Variants in NCK2 observed in about 807,000 individuals in gnomAD.
NCK2 encodes the protein cytoplasmic protein NCK2.
NCK2 carries 16 observed loss-of-function variants against 33.9 expected under a neutral mutation model. That is an observed-to-expected ratio of 0.47 (90% CI 0.32 to 0.72). The LOEUF (loss-of-function observed/expected upper bound fraction) is 0.72, where lower values mean the gene tolerates loss of function less well. Ranked by LOEUF, NCK2 falls within the 30% of genes least tolerant of loss-of-function variation. The pLI is 0.03. For missense variants in NCK2, 418 were observed against 537.3 expected, an observed-to-expected ratio of 0.78 and a Z score of 2.19; for synonymous variants, 273 against 239.9, an observed-to-expected ratio of 1.14 and a Z score of -1.27.
intron 1 of NCK2, among the ~76,000 whole-genome samples, chr2:105,778,128 T>C (rs954408596): frequency 2.0e-5 from 3 of 152,148 alleles, no homozygotes; most frequent in Non-Finnish European, 4.4e-5. Flanking sequence ...AAGGACAAGA[T>C]GTGTTGTGAA....
intron 1 of NCK2, among the ~76,000 whole-genome samples, chr2:105,807,461 T>A (rs1203338837): frequency 6.6e-6 from 1 of 152,212 alleles, no homozygotes; most frequent in African/African-American, 2.4e-5. Flanking sequence ...AAAAATTATT[T>A]AGTAGCATAC....
At chr2:105,781,822 A>T (rs1303835310) in intron 1 of NCK2, among the ~76,000 whole-genome samples, 1 of 152,218 alleles carries the variant, frequency 6.6e-6, no homozygotes, top group Non-Finnish European at 1.5e-5. Flanking sequence ...TGAGTCTGTG[A>T]TAAGGACTCT....
chr2:105,815,355 C>A (rs2104480091), intron 1 of NCK2, among the ~76,000 whole-genome samples: 1 of 152,276 alleles, frequency 6.6e-6, no homozygotes, highest in Middle Eastern at 3.4e-3. Context: ...TTATCTTTGA[C>A]TAAAATAGAA....
chr2:105,772,476 C>A (rs1690165827), intron 1 of NCK2, among the ~76,000 whole-genome samples: 1 of 152,082 alleles, frequency 6.6e-6, no homozygotes, highest in Non-Finnish European at 1.5e-5. Context: ...GATAGCTGAT[C>A]TAGCCTCACA....
At chr2:105,881,131 T>G (rs1678458372) in intron 3 of NCK2, among the ~76,000 whole-genome samples, 197 bp from the exon 4 acceptor site, 2 of 152,158 alleles carry the variant, frequency 1.3e-5, no homozygotes, top group Non-Finnish European at 2.9e-5. Flanking sequence ...ATTCTCAACT[T>G]TAAGTAACTT....
At chr2:105,835,405 A>ATATATATATATATATGTG (rs70953537) in intron 2 of NCK2, among the ~76,000 whole-genome samples, 26 of 37,646 alleles carry the variant, frequency 6.9e-4, no homozygotes, top group Non-Finnish European at 1.3e-3. Context: ...ATATATATAT[A>ATATATATATATATATGTG]CGTGTATATA....
intron 1 of NCK2, among the ~76,000 whole-genome samples, chr2:105,807,295 C>T (rs1411414558): frequency 1.3e-5 from 2 of 152,210 alleles, no homozygotes; most frequent in Non-Finnish European, 2.9e-5. Flanking sequence ...GTTCTAAAAT[C>T]ACACCCAGGT....
chr2:105,893,073 G>A lies in NCK2; in HGVS notation c.1040G>A (p.Arg347Gln). Reference protein sequence around the residue: ...LVDNVYCIGQRRFHTMDELVE... With the variant: ...LVDNVYCIGQQRFHTMDELVE... The stretch of plus-strand genomic sequence containing the variant: ...GACAATGTCTACTGCATTGGGCAGC[G>A]GCGCTTCCACACCATGGACGAGCTG... Residue 347 changes from arginine (R) to glutamine (Q), a missense_variant, in exon 5 of 5, where the codon CGG (arginine) becomes CAG (glutamine). By Grantham distance (43) the Arg-to-Gln change is conservative. Transcript: ENST00000233154. 6.2e-7 allele frequency: 1 copy of A among 1,614,142 alleles called. No homozygotes were observed.
chr2:105,820,461 C>T (rs1558853644), intron 2 of NCK2, among the ~76,000 whole-genome samples: 1 of 152,178 alleles, frequency 6.6e-6, no homozygotes, highest in East Asian at 1.9e-4. Flanking sequence ...ATGGCGGTGT[C>T]TGAGGGCTTG....
intron 2 of NCK2, among the ~76,000 whole-genome samples, chr2:105,824,923 G>A (rs1187448055): frequency 1.3e-5 from 2 of 152,188 alleles, no homozygotes; most frequent in Admixed American, 6.5e-5. Flanking sequence ...AAGATCAGGA[G>A]CCCATCTCCC....
At chr2:105,820,850 G>A (rs1254145694) in intron 2 of NCK2, among the ~76,000 whole-genome samples, 1 of 152,194 alleles carries the variant, frequency 6.6e-6, no homozygotes, top group African/African-American at 2.4e-5. Context: ...GGGATAGGAA[G>A]GACAGTGGCT....
intron 1 of NCK2, among the ~76,000 whole-genome samples, chr2:105,755,289 G>T (rs1689568765): frequency 6.6e-6 from 1 of 152,194 alleles, no homozygotes; most frequent in African/African-American, 2.4e-5. Flanking sequence ...TAAAAAAGGA[G>T]GAGGGTGTCA....
intron 1 of NCK2, among the ~76,000 whole-genome samples, chr2:105,802,246 C>G (rs1361589152): frequency 6.6e-6 from 1 of 152,178 alleles, no homozygotes; most frequent in African/African-American, 2.4e-5. Context: ...TACCTGTACT[C>G]AGAAATCACT....
chr2:105,781,571 A>G (rs1690498384), intron 1 of NCK2, among the ~76,000 whole-genome samples: 1 of 152,258 alleles, frequency 6.6e-6, no homozygotes, highest in African/African-American at 2.4e-5. Context: ...ATGACCTGCC[A>G]TTGCCATAGT....
intron 1 of NCK2, among the ~76,000 whole-genome samples, chr2:105,746,227 G>A (rs921637090): frequency 1.3e-5 from 2 of 152,202 alleles, no homozygotes; most frequent in African/African-American, 4.8e-5. Flanking sequence ...GGATGAGCAG[G>A]CCCCAGTGTG....
At chr2:105,806,934 G>T (rs928827413) in intron 1 of NCK2, among the ~76,000 whole-genome samples, 1 of 152,114 alleles carries the variant, frequency 6.6e-6, no homozygotes, top group Non-Finnish European at 1.5e-5. Flanking sequence ...TCAGATGCCC[G>T]TGGTCATGGG....
intron 1 of NCK2, among the ~76,000 whole-genome samples, chr2:105,745,520 G>T (rs1689251955): frequency 6.6e-6 from 1 of 152,118 alleles, no homozygotes; most frequent in African/African-American, 2.4e-5. Context: ...CGGCCGGCAC[G>T]GAGCTCGGGG....
intron 3 of NCK2, among the ~76,000 whole-genome samples, chr2:105,863,465 A>G (rs989534244): frequency 3.9e-5 from 6 of 152,196 alleles, no homozygotes; most frequent in Admixed American, 3.3e-4. Flanking sequence ...AGGGATGCAG[A>G]CACGATGCAG....
At chr2:105,841,907 G>A (rs114537458) in intron 2 of NCK2, among the ~76,000 whole-genome samples, 2,143 of 152,260 alleles carry the variant, frequency 0.014, 43 homozygotes, top group African/African-American at 0.049. Flanking sequence ...AGAGGGGAAG[G>A]GAGCTCGCTT....
Sources: allele counts gnomAD v4.1 joint callset (sites outside exome capture counted in the v4.1 genomes callset), GRCh38; gene constraint gnomAD v4.1.1; transcripts MANE v1.5; gene names NCBI Gene and HGNC (gene_info 2026-07-23, HGNC 2026-07-21).